Variants in TXNDC15 observed in about 807,000 individuals in gnomAD.
TXNDC15 encodes thioredoxin domain containing 15.
In TXNDC15, 24 loss-of-function variants were observed where a neutral mutation model predicts 35.0. The ratio of observed to expected loss-of-function variants is 0.68; its 90% CI spans 0.50 to 0.96. The LOEUF is 0.96. Ranked by LOEUF, TXNDC15 falls within the 40% of genes least tolerant of loss-of-function variation. TXNDC15 has a pLI of 0.00. For missense variants in TXNDC15, 385 were observed against 453.3 expected (o/e 0.85, Z 1.37); for synonymous variants, 169 against 174.0 (o/e 0.97, Z 0.23).
chr5:134,891,205 TG>T (rs1248922475), intron 2 of TXNDC15, among the ~76,000 whole-genome samples: 2 of 152,246 alleles, frequency 1.3e-5, no homozygotes, highest in African/African-American at 4.8e-5. Flanking sequence ...TCATCTAGAA[TG>T]GTAAATCCTT....
rs1372963299 is a variant in TXNDC15 at position 134,900,977 on chromosome 5, G to C, written c.*1292G>C. ...TAATTTTTCTATTTTTAGTAGAGAT[G>C]GGGTTTTGCCATGTTGGCCAGGCTG... is the stretch of plus-strand genomic sequence containing the variant. On this transcript the variant is annotated 3_prime_UTR_variant, in exon 5 of 5. Coordinates refer to ENST00000358387, the MANE Select transcript of TXNDC15 (RefSeq NM_024715.4). 6.6e-6 allele frequency: 1 copy of C among 152,004 alleles called. No individual in the cohort carries two copies. Among genetic ancestry groups the C allele is most frequent in the African/African-American group, 2.4e-5 (1 of 41,366 alleles). 9.4% of individuals were successfully genotyped at this position (152,004 alleles called of 1,614,324 possible).
At chr5:134,889,609 A>G (rs1217150790) in intron 2 of TXNDC15, among the ~76,000 whole-genome samples, 2 of 152,174 alleles carry the variant, frequency 1.3e-5, no homozygotes, top group Non-Finnish European at 2.9e-5. Context: ...TGCTGAGATG[A>G]TAGTTTGGAT....
At position 134,879,556 on chromosome 5, in the gene TXNDC15, C is replaced by T. The variant is rs75861210; in HGVS notation, c.103+5026C>T. Reference sequence around the variant, plus strand: ...ATGTGTGTTTGTTTTTTCTTCTGATCATACAGGCAATACACACTCATTAAC... The same window carrying T: ...ATGTGTGTTTGTTTTTTCTTCTGATTATACAGGCAATACACACTCATTAAC... On this transcript the variant is annotated intron_variant, in intron 1 of 4. Transcript: ENST00000358387. 3.4e-3 allele frequency among the ~76,000 whole-genome samples: 513 copies of T among 152,150 alleles called. 8 individuals carry two copies. The East Asian group carries it at 0.037, about 11-fold the overall frequency.
intron 1 of TXNDC15, chr5:134,875,247 C>G (rs896075463): frequency 8.8e-6 from 4 of 456,174 alleles, no homozygotes; most frequent in Non-Finnish European, 1.8e-5. Context: ...GCCTTACTTT[C>G]ATGCTCCTTC....
At chr5:134,875,701 G>A (rs983973928) in intron 1 of TXNDC15, among the ~76,000 whole-genome samples, 19 of 151,654 alleles carry the variant, frequency 1.3e-4, no homozygotes, top group African/African-American at 4.4e-4. Context: ...ATGGAGTCTC[G>A]CTCTGTTGCC....
At chr5:134,899,117 C>T (rs966521026) in intron 4 of TXNDC15, among the ~76,000 whole-genome samples, 2 of 152,040 alleles carry the variant, frequency 1.3e-5, no homozygotes, top group African/African-American at 4.8e-5. Context: ...ATTACTTAAC[C>T]TGTGAAAACA....
At chr5:134,874,246 C>T, upstream of TXNDC15, 1 of 567,462 alleles carries the variant, frequency 1.8e-6, no homozygotes, top group Admixed American at 3.4e-5. Flanking sequence ...TCCAGTCCAG[C>T]GCCGACGGCC....
intron 1 of TXNDC15, among the ~76,000 whole-genome samples, chr5:134,882,646 C>T (rs1213100323): frequency 3.9e-5 from 6 of 152,296 alleles, no homozygotes; most frequent in Non-Finnish European, 5.9e-5. Flanking sequence ...GAGACCAGCC[C>T]GGCCAACACA....
intron 1 of TXNDC15, among the ~76,000 whole-genome samples, chr5:134,880,332 CT>C: frequency 6.6e-6 from 1 of 152,196 alleles, no homozygotes; most frequent in South Asian, 2.1e-4. Flanking sequence ...CATTTTTCTT[CT>C]GCCTGAAGGA....
At chr5:134,875,042 T>G (rs1750004132) in intron 1 of TXNDC15, 1 of 431,968 alleles carries the variant, frequency 2.3e-6, no homozygotes, top group East Asian at 7.1e-5. Context: ...TTCTGATACG[T>G]GGCAGAAGCC....
Position 134,893,545 on chromosome 5 carries a change from T to C in TXNDC15, c.645T>C (p.Phe215=), listed in dbSNP as rs1229313782. 9.3e-6 allele frequency: 15 copies of C among 1,614,098 alleles called. No homozygotes were observed. Among genetic ancestry groups the C allele is most frequent in the Middle Eastern group, 3.3e-4 (2 of 6,084 alleles). ...PNGSDCTLVL[F]YTPWCRFSAS... Reference sequence around the variant, plus strand: ...GTAGTGACTGTACTCTAGTCCTGTTTTACACCCCGTGGTGCCGCTTTTCTG... The same window carrying C: ...GTAGTGACTGTACTCTAGTCCTGTTCTACACCCCGTGGTGCCGCTTTTCTG... Residue 215 remains phenylalanine (F), a synonymous_variant, in exon 3 of 5, where the codon TTT becomes TTC. Transcript: ENST00000358387.
At chr5:134,875,412 C>A in intron 1 of TXNDC15, 1 of 456,242 alleles carries the variant, frequency 2.2e-6, no homozygotes, top group Non-Finnish European at 4.4e-6. Flanking sequence ...CATAGTAACA[C>A]AATTACCATG....
At chr5:134,875,406 G>A (rs1750014130) in intron 1 of TXNDC15, 1 of 456,198 alleles carries the variant, frequency 2.2e-6, no homozygotes, top group African/African-American at 2.0e-5. Flanking sequence ...GTGAGTCATA[G>A]TAACACAATT....
intron 4 of TXNDC15, among the ~76,000 whole-genome samples, chr5:134,896,744 C>T (rs1425315800): frequency 6.7e-6 from 1 of 148,592 alleles, no homozygotes; most frequent in Non-Finnish European, 1.5e-5. Context: ...CCCGGGTTCA[C>T]GCCATTCTCC....
chr5:134,882,826 C>G (rs1186723211), intron 1 of TXNDC15, among the ~76,000 whole-genome samples: 1 of 151,668 alleles, frequency 6.6e-6, no homozygotes, highest in East Asian at 1.9e-4. Flanking sequence ...AGAGGGAGAC[C>G]GTGGAAAGAG....
chr5:134,893,675 T>G lies in TXNDC15; in HGVS notation c.755+20T>G. On this transcript the variant is annotated intron_variant, in intron 3 of 4. Coordinates refer to ENST00000358387, the MANE Select transcript of TXNDC15 (RefSeq NM_024715.4). ...CAGCAGGTATCTTCCATTGGTGGGG[T>G]TTACGTCCATCCTCCTGGCTGATGG... is the stretch of plus-strand genomic sequence containing the variant. 1 of 1,613,586 alleles carries G rather than the reference T, an allele frequency of 6.2e-7. No homozygotes were observed. The highest frequency in any genetic ancestry group is 8.5e-7 in the Non-Finnish European group (1 of 1,179,660).
intron 4 of TXNDC15, among the ~76,000 whole-genome samples, chr5:134,896,789 G>T (rs1167901489): frequency 1.3e-5 from 2 of 151,366 alleles, no homozygotes; most frequent in Admixed American, 1.3e-4. Context: ...GACTACAGGC[G>T]CCCGCCACCA....
intron 1 of TXNDC15, among the ~76,000 whole-genome samples, chr5:134,882,891 A>G (rs898510701): frequency 5.9e-5 from 9 of 152,210 alleles, no homozygotes; most frequent in Non-Finnish European, 8.8e-5. Context: ...TTCTATTGCT[A>G]TCTTCAAGTT....
chr5:134,882,906 A>G (rs897609830), intron 1 of TXNDC15, among the ~76,000 whole-genome samples: 6 of 152,042 alleles, frequency 3.9e-5, no homozygotes, highest in Non-Finnish European at 5.9e-5. Flanking sequence ...CAAGTTGACT[A>G]TTTTCTTCCG....
Sources: allele counts gnomAD v4.1 joint callset (sites outside exome capture counted in the v4.1 genomes callset), GRCh38; gene constraint gnomAD v4.1.1; transcripts MANE v1.5; gene names NCBI Gene and HGNC (gene_info 2026-07-23, HGNC 2026-07-21).